Variants in CLIC5 observed in about 807,000 individuals in gnomAD.
CLIC5 encodes the protein CLIC family member 5.
CLIC5 carries 20 observed loss-of-function variants against 24.7 expected under a neutral mutation model. The ratio of observed to expected loss-of-function variants is 0.81; its 90% CI spans 0.57 to 1.18. CLIC5 has a LOEUF of 1.18. CLIC5 is among the 50% of genes most tolerant of loss of function. The probability of loss-of-function intolerance (pLI) is 0.00; values close to 1 mark genes in which losing one functional copy is unlikely to be tolerated. For missense variants in CLIC5, 341 were observed against 326.1 expected, an observed-to-expected ratio of 1.05 and a Z score of -0.35; for synonymous variants, 159 against 135.6, an observed-to-expected ratio of 1.17 and a Z score of -1.20.
chr6:46,108,343 T>C, the CLIC5 span, among the ~76,000 whole-genome samples: 1 of 150,668 alleles, frequency 6.6e-6, no homozygotes. Flanking sequence ...AAGAGAGAGA[T>C]TTTGTTTGCC....
chr6:46,031,584 A>G (rs1279733410), intron 1 of CLIC5, among the ~76,000 whole-genome samples: 4 of 152,202 alleles, frequency 2.6e-5, no homozygotes, highest in East Asian at 1.9e-4. Context: ...TGGTGGGCCT[A>G]TTATCTATTC....
intron 6 of CLIC5, among the ~76,000 whole-genome samples, chr6:45,890,942 G>C (rs1447706012): frequency 2.6e-5 from 4 of 152,100 alleles, no homozygotes; most frequent in Admixed American, 2.6e-4. Context: ...ACAGGGAAGG[G>C]GGAGACATTG....
chr6:46,043,589 AGTT>A (rs1338739364), intron 1 of CLIC5, among the ~76,000 whole-genome samples: 1 of 152,206 alleles, frequency 6.6e-6, no homozygotes, highest in Non-Finnish European at 1.5e-5. Flanking sequence ...AGGTGGAGAA[AGTT>A]GTTTCAAAGT....
At chr6:46,070,520 G>A (rs559113436) in intron 1 of CLIC5, among the ~76,000 whole-genome samples, 54 of 152,218 alleles carry the variant, frequency 3.5e-4, no homozygotes, top group Admixed American at 7.8e-4. Context: ...AACCAGACAG[G>A]TGAAAAATCT....
Position 45,955,308 on chromosome 6 carries a change from G to A in CLIC5, c.64-64C>T, listed in dbSNP as rs147607439. ...CAATTAGCAAGGGGAACATAAGATTGTAACACCCAAATGCAGGTCTGAGGA... is the reference window on the plus strand; with the variant it reads ...CAATTAGCAAGGGGAACATAAGATTATAACACCCAAATGCAGGTCTGAGGA... On this transcript the variant is annotated intron_variant, in intron 1 of 5. Transcript: ENST00000339561. 295 of 1,184,166 alleles carry A rather than the reference G, an allele frequency of 2.5e-4. No homozygotes were observed. In the African/African-American group the frequency reaches 3.8e-3, roughly 15 times the overall value. 73.4% of individuals were successfully genotyped at this position (1,184,166 alleles called of 1,614,324 possible). A position where few individuals can be genotyped will look rare whatever the true frequency, so the allele number is the denominator to read the frequency against.
At chr6:46,082,539 A>T (rs961931823), upstream of CLIC5, among the ~76,000 whole-genome samples, 1 of 152,168 alleles carries the variant, frequency 6.6e-6, no homozygotes, top group African/African-American at 2.4e-5. Context: ...CCCCTTGCCG[A>T]CCCAGCTCCA....
chr6:45,994,639 T>C (rs76234950), intron 1 of CLIC5, among the ~76,000 whole-genome samples: 3,429 of 152,164 alleles, frequency 0.023, 52 homozygotes, highest in Non-Finnish European at 0.036. Flanking sequence ...AAATAAAAAA[T>C]TGGGCATGTA....
chr6:45,903,412 T>C (rs143875706), intron 5 of CLIC5, among the ~76,000 whole-genome samples, 157 bp from the exon 6 acceptor site: 11 of 152,346 alleles, frequency 7.2e-5, no homozygotes, highest in Middle Eastern at 3.4e-3. Flanking sequence ...GGCAGTGCTG[T>C]CTTCTTTTTG....
intron 6 of CLIC5, among the ~76,000 whole-genome samples, chr6:45,887,727 AT>A: frequency 6.6e-6 from 1 of 152,298 alleles, no homozygotes; most frequent in South Asian, 2.1e-4. Flanking sequence ...TGGCTTTTTA[AT>A]TTTTTGCTCT....
At chr6:45,908,588 ATCT>A (rs1460069824) in intron 5 of CLIC5, among the ~76,000 whole-genome samples, 1 of 152,056 alleles carries the variant, frequency 6.6e-6, no homozygotes, top group African/African-American at 2.4e-5. Context: ...ATTTTGAGAC[ATCT>A]TCTTGGTGTT....
At chr6:45,992,463 C>T (rs1443330935) in intron 1 of CLIC5, among the ~76,000 whole-genome samples, 1 of 152,110 alleles carries the variant, frequency 6.6e-6, no homozygotes, top group African/African-American at 2.4e-5. Context: ...AAAACAAATC[C>T]TTCACGGAGA....
At chr6:45,983,014 C>T (rs1352490127) in intron 1 of CLIC5, among the ~76,000 whole-genome samples, 1 of 152,150 alleles carries the variant, frequency 6.6e-6, no homozygotes, top group Non-Finnish European at 1.5e-5. Flanking sequence ...TGGTTGCCTA[C>T]TTTTATGAGC....
intron 1 of CLIC5, among the ~76,000 whole-genome samples, chr6:46,038,267 G>T (rs1235726594): frequency 2.0e-5 from 3 of 152,150 alleles, no homozygotes; most frequent in Non-Finnish European, 4.4e-5. Context: ...AATATTTGTT[G>T]TATAAATGAA....
chr6:45,937,999 G>A (rs1289872181), intron 4 of CLIC5, among the ~76,000 whole-genome samples: 1 of 152,156 alleles, frequency 6.6e-6, no homozygotes, highest in East Asian at 1.9e-4. Flanking sequence ...TATGGGGGCT[G>A]GGGCATTAGT....
chr6:46,032,610 C>G (rs375775364), intron 1 of CLIC5, among the ~76,000 whole-genome samples: 10 of 152,218 alleles, frequency 6.6e-5, no homozygotes, highest in Non-Finnish European at 1.2e-4. Context: ...TCCAACCCCC[C>G]ATATGAAGTC....
intron 2 of CLIC5, among the ~76,000 whole-genome samples, chr6:45,954,931 G>A (rs901491765): frequency 2.0e-5 from 3 of 152,140 alleles, no homozygotes; most frequent in South Asian, 2.1e-4. Context: ...CTTGCTAATC[G>A]GGTCAGTGAA....
chr6:45,940,028 T>C (rs530670159), intron 4 of CLIC5, among the ~76,000 whole-genome samples: 10 of 152,270 alleles, frequency 6.6e-5, no homozygotes, highest in African/African-American at 2.4e-4. Context: ...ATGGATGTCA[T>C]TGCCCACAAG....
chr6:46,084,207 G>A (rs1402585115), upstream of CLIC5, among the ~76,000 whole-genome samples: 3 of 152,106 alleles, frequency 2.0e-5, no homozygotes, highest in African/African-American at 2.4e-5. Context: ...ACAGCACCCT[G>A]ATGGGTCTTG....
At chr6:45,948,727 T>C (rs1234205043) in intron 3 of CLIC5, among the ~76,000 whole-genome samples, 2 of 152,180 alleles carry the variant, frequency 1.3e-5, no homozygotes, top group Non-Finnish European at 2.9e-5. Flanking sequence ...ATACTCTCCC[T>C]GAACCTGTTT....
Sources: gnomAD v4.1 joint callset for allele counts (sites outside exome capture counted in the v4.1 genomes callset) on GRCh38, gnomAD v4.1.1 for gene constraint, MANE v1.5 for transcripts, NCBI Gene and HGNC (gene_info 2026-07-23, HGNC 2026-07-21) for gene names.